GNL2: variants seen among roughly 807,000 people sequenced by gnomAD.
GNL2 encodes G protein nucleolar 2, also known as nucleolar GTP-binding protein 2.
GNL2 carries 51 observed loss-of-function variants against 92.3 expected under a neutral mutation model. That is an observed-to-expected ratio of 0.55 (90% CI 0.44 to 0.70). The LOEUF is 0.70. GNL2 is among the 30% of genes least tolerant of loss of function. The pLI is 0.00. For missense variants in GNL2, 844 were observed against 895.6 expected, an observed-to-expected ratio of 0.94 and a Z score of 0.74; for synonymous variants, 283 against 300.6, an observed-to-expected ratio of 0.94 and a Z score of 0.61.
chr1:37,568,404 T>C, intron 13 of GNL2, 47 bp from the exon 14 acceptor site: 3 of 1,223,406 alleles, frequency 2.5e-6, no homozygotes, highest in Non-Finnish European at 3.6e-6. Flanking sequence ...CTCGCCCGAA[T>C]CACATACTGA....
rs1424543817 is a variant in GNL2, at chr1:37,583,857, G to A, written c.636+10C>T. The A allele has an allele frequency of 2.0e-6, 3 of 1,471,900 alleles. No homozygotes were observed. The highest frequency in any genetic ancestry group is 2.9e-6 in the Non-Finnish European group (3 of 1,050,040). The allele number at this position is 1,471,900 out of a possible 1,614,324, so 91.2% of individuals were successfully genotyped here. On this transcript the variant is annotated intron_variant, in intron 6 of 15. Coordinates refer to ENST00000373062, the MANE Select transcript of GNL2 (RefSeq NM_013285.3). Reference sequence around the variant, plus strand: ...GAACCACTCAATGGGAGAGAATTTAGGAGTCTTACCTTGTAGAGCTCACCC... The same window carrying A: ...GAACCACTCAATGGGAGAGAATTTAAGAGTCTTACCTTGTAGAGCTCACCC...
rs765805567 is a variant in GNL2, at chr1:37,587,414, A to G, written c.466T>C (p.Phe156Leu). The change falls in exon 5 of 16, where the codon TTT becomes CTT. Residue 156 changes from phenylalanine (F) to leucine (L), a missense_variant. Physicochemically the swap from Phe to Leu is conservative, Grantham distance 22 (BLOSUM62 0). Transcript: ENST00000373062. The part of the protein sequence containing the change: ...PKSQRKRPNL[F>L]ASDMQSLIEN... ...ATAAGAGACTGCATATCACTTGCAAATAAGTTTGGTCGTTTCCTCTGTGAC... is the reference window on the plus strand; with the variant it reads ...ATAAGAGACTGCATATCACTTGCAAGTAAGTTTGGTCGTTTCCTCTGTGAC... 6 of 1,613,654 alleles carry G rather than the reference A, an allele frequency of 3.7e-6. No homozygotes were observed. The highest frequency in any genetic ancestry group is 3.3e-5 in the Admixed American group (2 of 60,016).
At chr1:37,585,709 T>G (rs1342786894) in intron 5 of GNL2, among the ~76,000 whole-genome samples, 1 of 152,192 alleles carries the variant, frequency 6.6e-6, no homozygotes, top group Non-Finnish European at 1.5e-5. Flanking sequence ...CTCTTTTTGC[T>G]TGGCCTCAAA....
At chr1:37,585,106 C>A (rs1455326401) in intron 5 of GNL2, among the ~76,000 whole-genome samples, 1 of 28 alleles carries the variant, frequency 0.036, no homozygotes, top group African/African-American at 0.25. Flanking sequence ...GTCGCCCAGG[C>A]TGGAATGAGT....
intron 12 of GNL2, chr1:37,569,542 T>C (rs1643563692): frequency 2.2e-6 from 1 of 447,644 alleles, no homozygotes; most frequent in African/African-American, 2.0e-5. Flanking sequence ...ACTAAGACTA[T>C]TTAAACCATT....
At chr1:37,573,139 G>A (rs1643620191) in intron 12 of GNL2, among the ~76,000 whole-genome samples, 1 of 152,212 alleles carries the variant, frequency 6.6e-6, no homozygotes, top group South Asian at 2.1e-4. Flanking sequence ...TACACATGAA[G>A]AGGGAGAGAA....
At chr1:37,592,944 C>T (rs945474344) in intron 2 of GNL2, 138 bp from the exon 3 acceptor site, 17 of 608,208 alleles carry the variant, frequency 2.8e-5, no homozygotes, top group Non-Finnish European at 4.8e-5. Flanking sequence ...TTCCAGTAAA[C>T]ACAAAGTACT....
chr1:37,587,629 T>C (rs1161333633), intron 4 of GNL2, 134 bp from the exon 5 acceptor site: 7 of 537,348 alleles, frequency 1.3e-5, no homozygotes, highest in East Asian at 6.2e-5. Context: ...CTGTAAGACA[T>C]GGTTTCAGTC....
chr1:37,592,999 A>G (rs1272204839), intron 2 of GNL2, among the ~76,000 whole-genome samples, 193 bp from the exon 3 acceptor site: 2 of 152,264 alleles, frequency 1.3e-5, no homozygotes, highest in Admixed American at 6.5e-5. Context: ...AACCTCTTGC[A>G]ACAGAGCACG....
At chr1:37,595,339 G>C (rs1407395312) in intron 1 of GNL2, among the ~76,000 whole-genome samples, 3 of 152,150 alleles carry the variant, frequency 2.0e-5, no homozygotes, top group Admixed American at 2.0e-4. Context: ...ATAATTCCAA[G>C]GGCCAAAACT....
intron 8 of GNL2, chr1:37,581,301 G>A (rs1236201302): frequency 2.2e-6 from 1 of 453,142 alleles, no homozygotes; most frequent in Admixed American, 2.4e-5. Flanking sequence ...TTAGAAGCCA[G>A]GTAGAATTAA....
chr1:37,592,026 T>C (rs112156077), intron 3 of GNL2, among the ~76,000 whole-genome samples: 61 of 152,354 alleles, frequency 4.0e-4, no homozygotes, highest in African/African-American at 1.4e-3. Context: ...CTTTCTGTGT[T>C]GCAGTTCTTA....
chr1:37,569,512 T>C, intron 12 of GNL2: 1 of 535,690 alleles, frequency 1.9e-6, no homozygotes, highest in South Asian at 2.5e-5. Flanking sequence ...AATACATGTG[T>C]AGTTCCACAG....
At chr1:37,582,162 C>A in intron 8 of GNL2, 61 bp downstream of exon 8, 1 of 1,144,996 alleles carries the variant, frequency 8.7e-7, no homozygotes, top group Admixed American at 2.2e-5. Context: ...CATGGCAAGA[C>A]AGATTCTTAT....
chr1:37,573,899 T>A (rs2148130772), intron 12 of GNL2, among the ~76,000 whole-genome samples: 1 of 152,274 alleles, frequency 6.6e-6, no homozygotes, highest in South Asian at 2.1e-4. Flanking sequence ...AAAAAAATTT[T>A]TTTTTATTTT....
In GNL2 at chr1:37,569,008, C is replaced by T; in HGVS notation, c.1711G>A (p.Glu571Lys). 6.2e-7 allele frequency: 1 copy of T among 1,614,148 alleles called. No homozygotes were observed. The highest frequency in any genetic ancestry group is 8.5e-7 in the Non-Finnish European group (1 of 1,180,028). The change falls in exon 13 of 16, where the codon GAG becomes AAG. Residue 571 changes from glutamate to lysine, a missense_variant. Glu to Lys is a moderately conservative substitution (Grantham distance 56, BLOSUM62 1). Transcript: ENST00000373062. Reference sequence around the variant, plus strand: ...TCTTCCGCATCATCTCTTTGTTGCTCCTGTTCCTCCTCCTCTTCATCAGAA... The same window carrying T: ...TCTTCCGCATCATCTCTTTGTTGCTTCTGTTCCTCCTCCTCTTCATCAGAA... ...SFSDEEEEEQ[E>K]QQRDDAEESS... is the part of the protein sequence containing the mutation.
chr1:37,595,670 G>T, intron 1 of GNL2, 89 bp downstream of exon 1: 2 of 1,109,960 alleles, frequency 1.8e-6, no homozygotes, highest in Non-Finnish European at 1.4e-6. Flanking sequence ...AATGCCACTC[G>T]AGTAACCCTC....
At chr1:37,594,713 T>C (rs1429797326) in intron 1 of GNL2, among the ~76,000 whole-genome samples, 1 of 152,176 alleles carries the variant, frequency 6.6e-6, no homozygotes, top group Non-Finnish European at 1.5e-5. Context: ...GGCTAATCTT[T>C]GTATTTTTGT....
chr1:37,567,601 G>T, intron 15 of GNL2, 72 bp downstream of exon 15: 1 of 1,030,330 alleles, frequency 9.7e-7, no homozygotes, highest in Non-Finnish European at 1.5e-6. Flanking sequence ...TGGACCATTT[G>T]TTTCAGTGGG....
Sources: gnomAD v4.1 joint callset for allele counts (sites outside exome capture counted in the v4.1 genomes callset) on GRCh38, gnomAD v4.1.1 for gene constraint, MANE v1.5 for transcripts, NCBI Gene and HGNC (gene_info 2026-07-23, HGNC 2026-07-21) for gene names.